Variants in MAST4 observed in about 807,000 individuals in gnomAD.
MAST4 encodes the protein microtubule-associated serine/threonine-protein kinase 4.
Under a neutral mutation model 162.7 loss-of-function variants are expected in MAST4, and 89 were observed. The ratio of observed to expected loss-of-function variants is 0.55; its 90% CI spans 0.46 to 0.65. The LOEUF (loss-of-function observed/expected upper bound fraction) is 0.65, where lower values mean the gene tolerates loss of function less well. Among genes scored for constraint, MAST4 ranks in the 30% least tolerant of loss-of-function variants. The probability of loss-of-function intolerance (pLI) is 0.00; values close to 1 mark genes in which losing one functional copy is unlikely to be tolerated. For synonymous variants in MAST4, 1,479 were observed against 1,361.1 expected, an observed-to-expected ratio of 1.09 and a Z score of -1.91; for missense variants, 3,153 against 3,374.0, an observed-to-expected ratio of 0.93 and a Z score of 1.62.
intron 27 of MAST4, among the ~76,000 whole-genome samples, chr5:67,161,426 A>G (rs1773172026): frequency 1.3e-5 from 2 of 152,222 alleles, no homozygotes; most frequent in African/African-American, 4.8e-5. Flanking sequence ...CGTTTTTCTA[A>G]CCAAAAATTT....
intron 3 of MAST4, among the ~76,000 whole-genome samples, chr5:66,896,512 A>G (rs1244360762): frequency 3.3e-5 from 5 of 152,192 alleles, no homozygotes; most frequent in African/African-American, 1.2e-4. Flanking sequence ...CCATTTGAAG[A>G]AGGGAGTATC....
chr5:66,848,451 T>G (rs528017624), intron 3 of MAST4, among the ~76,000 whole-genome samples: 19 of 152,310 alleles, frequency 1.2e-4, no homozygotes, highest in South Asian at 2.1e-4. Context: ...AGGTTGTTTT[T>G]TTTGTTTGTT....
chr5:66,945,255 G>A (rs1226804693), intron 4 of MAST4, among the ~76,000 whole-genome samples: 3 of 152,106 alleles, frequency 2.0e-5, no homozygotes, highest in Admixed American at 1.3e-4. Flanking sequence ...ATTCTTAGAG[G>A]CAAAAGCTCC....
intron 26 of MAST4, among the ~76,000 whole-genome samples, chr5:67,154,058 C>G (rs1214367402): frequency 6.6e-6 from 1 of 152,116 alleles, no homozygotes; most frequent in Non-Finnish European, 1.5e-5. Flanking sequence ...ATAAGTGGTA[C>G]TGAAAGAAGA....
intron 3 of MAST4, among the ~76,000 whole-genome samples, chr5:66,818,893 T>C (rs983741562): frequency 3.3e-5 from 5 of 152,228 alleles, no homozygotes; most frequent in Non-Finnish European, 5.9e-5. Context: ...TGTCTCACTT[T>C]CCTCATTGGT....
intron 1 of MAST4, among the ~76,000 whole-genome samples, chr5:66,716,776 C>T (rs755683216): frequency 1.8e-4 from 27 of 152,164 alleles, no homozygotes; most frequent in Non-Finnish European, 3.4e-4. Context: ...GCATACATCC[C>T]TTGTTTGTTG....
chr5:66,755,385 C>G (rs1354642012), intron 1 of MAST4, among the ~76,000 whole-genome samples: 1 of 152,174 alleles, frequency 6.6e-6, no homozygotes, highest in African/African-American at 2.4e-5. Flanking sequence ...AATTACAGAA[C>G]CCATGTGCTT....
chr5:67,016,605 A>G (rs1363217030), intron 4 of MAST4, among the ~76,000 whole-genome samples: 2 of 152,196 alleles, frequency 1.3e-5, no homozygotes, highest in Non-Finnish European at 2.9e-5. Context: ...TGGAAATTGT[A>G]AATGTATTCT....
intron 1 of MAST4, among the ~76,000 whole-genome samples, chr5:66,689,506 C>T (rs1252739214): frequency 3.3e-5 from 5 of 152,138 alleles, no homozygotes; most frequent in Non-Finnish European, 7.4e-5. Flanking sequence ...GTTTCTCTTT[C>T]TCTTACTTTC....
Position 67,136,299 on chromosome 5 carries a change from A to G in MAST4, c.2393-264A>G, listed in dbSNP as rs75158837. Among the ~76,000 whole-genome samples the G allele has an allele frequency of 5.3e-3, 809 of 152,346 alleles. 7 individuals carry two copies. The highest frequency in any genetic ancestry group is 0.019 in the African/African-American group (778 of 41,582). ...GAAAGAAAAATACATTTAAAAAGCA[A>G]ATTAAAGATCTGCTTATTGAAATAT... On this transcript the variant is annotated intron_variant, in intron 18 of 28. Coordinates refer to ENST00000403625, the MANE Select transcript of MAST4 (RefSeq NM_001164664.2).
chr5:66,951,636 G>GTGTGTGTGTGTA (rs1554072469), intron 4 of MAST4, among the ~76,000 whole-genome samples: 1 of 145,280 alleles, frequency 6.9e-6, no homozygotes, highest in South Asian at 2.2e-4. Flanking sequence ...GTGTGTGTGT[G>GTGTGTGTGTGTA]TGTGTGTGTG....
At chr5:66,834,405 T>C (rs1757815641) in intron 3 of MAST4, among the ~76,000 whole-genome samples, 1 of 152,110 alleles carries the variant, frequency 6.6e-6, no homozygotes, top group South Asian at 2.1e-4. Flanking sequence ...ATCTCAACCT[T>C]ATTTTCTGAA....
At chr5:66,967,388 T>C (rs1746868633) in intron 4 of MAST4, among the ~76,000 whole-genome samples, 1 of 152,222 alleles carries the variant, frequency 6.6e-6, no homozygotes, top group Non-Finnish European at 1.5e-5. Context: ...ATAAGACATC[T>C]GCAGCTTCCA....
chr5:66,772,527 C>A (rs991626977), intron 2 of MAST4, among the ~76,000 whole-genome samples: 1 of 152,138 alleles, frequency 6.6e-6, no homozygotes, highest in Non-Finnish European at 1.5e-5. Context: ...ATACATGAAT[C>A]CCCTGGACAA....
At chr5:67,015,591 T>C (rs1753192828) in intron 4 of MAST4, among the ~76,000 whole-genome samples, 1 of 152,228 alleles carries the variant, frequency 6.6e-6, no homozygotes, top group South Asian at 2.1e-4. Flanking sequence ...TAAGATTATC[T>C]TAGGGATTGG....
chr5:67,164,833 A>G lies in MAST4; in HGVS notation c.5654A>G (p.Asn1885Ser), dbSNP rs754414073. ...CTGCCCCCCAGCCGAGGTCTCCAGA[A>G]TTCACCAGCAGTTTCCCTGCCTGAC... ...WFLPPSRGLQ[N>S]SPAVSLPDPE... The change falls in exon 29 of 29, where the codon AAT becomes AGT. Residue 1885 changes from asparagine (N) to serine (S), a missense_variant. Physicochemically the swap from Asn to Ser is conservative, Grantham distance 46. This residue lies in a region of MAST4 where 1,644 missense variants were observed against 1,495.0 expected (regional missense o/e 1.10). Coordinates refer to ENST00000403625, the MANE Select transcript of MAST4 (RefSeq NM_001164664.2). This position sits in a 1 kb window ranked among gnomAD's most constrained non-coding sequence, Gnocchi z 5.3. 7 of 1,614,018 alleles carry G rather than the reference A, an allele frequency of 4.3e-6. No homozygotes were observed. In the Admixed American group the frequency reaches 1.2e-4, roughly 27 times the overall value.
chr5:66,726,195 A>AG (rs1751506581), intron 1 of MAST4, among the ~76,000 whole-genome samples: 1 of 152,078 alleles, frequency 6.6e-6, no homozygotes, highest in Admixed American at 6.6e-5. Flanking sequence ...CACTGAAGTG[A>AG]TGTTTAAGAC....
At chr5:67,136,508 G>T in intron 18 of MAST4, 55 bp from the exon 19 acceptor site, 1 of 1,324,172 alleles carries the variant, frequency 7.6e-7, no homozygotes, top group South Asian at 1.3e-5. Flanking sequence ...CATGTTGCTG[G>T]GACCTGGACC....
chr5:67,096,714 C>A lies in MAST4; in HGVS notation c.912+1039C>A, dbSNP rs368716869. Among the ~76,000 whole-genome samples the A allele has an allele frequency of 3.9e-5, 6 of 152,096 alleles. No homozygotes were observed. In the East Asian group the frequency reaches 1.2e-3, roughly 29 times the overall value. On this transcript the variant is annotated intron_variant, in intron 7 of 28. Coordinates refer to ENST00000403625, the MANE Select transcript of MAST4 (RefSeq NM_001164664.2). ...AGATTTTCTGGAGTACCTTTAAAAC[C>A]AAATTGTTAAAAGCTGTTGGGTTAT...
Sources: gnomAD v4.1 joint callset for allele counts (sites outside exome capture counted in the v4.1 genomes callset) on GRCh38, gnomAD v4.1.1 for gene constraint, gnomAD v4.1.1 regional missense constraint, Gnocchi (gnomAD v3.1) non-coding constraint, MANE v1.5 for transcripts, NCBI Gene and HGNC (gene_info 2026-07-23, HGNC 2026-07-21) for gene names.